The following RABGAP1L variants were observed in gnomAD, a reference collection of about 807,000 sequenced individuals.
RABGAP1L encodes rab GTPase-activating protein 1-like.
In RABGAP1L, 63 loss-of-function variants were observed where a neutral mutation model predicts 137.7. The observed-to-expected ratio is 0.46, with a 90% confidence interval of 0.37 to 0.56. The LOEUF is 0.56. Ranked by LOEUF, RABGAP1L falls within the 20% of genes least tolerant of loss-of-function variation. The pLI, the probability that RABGAP1L is intolerant of heterozygous loss-of-function variation, is 0.00. For missense variants in RABGAP1L, 1,095 were observed against 1,244.0 expected, an observed-to-expected ratio of 0.88 and a Z score of 1.80; for synonymous variants, 431 against 433.7, an observed-to-expected ratio of 0.99 and a Z score of 0.08.
intron 19 of RABGAP1L, among the ~76,000 whole-genome samples, chr1:174,859,445 T>C (rs978648289): frequency 6.9e-6 from 1 of 144,360 alleles, no homozygotes; most frequent in African/African-American, 2.6e-5. Flanking sequence ...ATTGTGCTAC[T>C]GCACTCCAGC....
chr1:174,344,418 C>T (rs1558149123), intron 11 of RABGAP1L, among the ~76,000 whole-genome samples: 3 of 152,154 alleles, frequency 2.0e-5, no homozygotes, highest in Admixed American at 1.3e-4. Context: ...AAGTCTACTT[C>T]TTTAGGGACC....
In RABGAP1L at chr1:174,939,674, G is replaced by A. The variant is rs577766841; in HGVS notation, c.2341-17783G>A. On this transcript the variant is annotated intron_variant, in intron 19 of 25. Transcript: ENST00000681986. ...ATTTTAGAAATTGCCCCACAGAACA[G>A]AGGTAATTATTGGCTCTGTCAAACA... 5.9e-5 allele frequency among the ~76,000 whole-genome samples: 9 copies of A among 152,296 alleles called. No individual in the cohort carries two copies. In the South Asian group the frequency reaches 1.2e-3, roughly 21 times the overall value.
At chr1:174,814,829 C>T (rs1484665024) in intron 19 of RABGAP1L, among the ~76,000 whole-genome samples, 1 of 151,998 alleles carries the variant, frequency 6.6e-6, no homozygotes, top group East Asian at 1.9e-4. Flanking sequence ...GCTGGGACTA[C>T]AGTCATGTGC....
At chr1:174,543,334 T>C (rs985848741) in intron 13 of RABGAP1L, among the ~76,000 whole-genome samples, 2 of 142,866 alleles carry the variant, frequency 1.4e-5, no homozygotes, top group African/African-American at 5.8e-5. Context: ...AATTGATCCC[T>C]TCACCATTAT....
chr1:174,805,751 C>G (rs1689231628), intron 18 of RABGAP1L, among the ~76,000 whole-genome samples: 1 of 152,206 alleles, frequency 6.6e-6, no homozygotes, highest in African/African-American at 2.4e-5. Flanking sequence ...ATTCACTCTC[C>G]TCGGCTTCCC....
chr1:174,783,963 C>G (rs1209957851), intron 18 of RABGAP1L, among the ~76,000 whole-genome samples: 1 of 149,980 alleles, frequency 6.7e-6, no homozygotes, highest in Non-Finnish European at 1.5e-5. Context: ...CCGCCTCGCC[C>G]TCCTAGAGTG....
Position 174,957,459 on chromosome 1 carries a change from A to G in RABGAP1L, c.2343A>G (p.Val781=). ...TGGTTTTCCTCAAATCCCTGCAGGT[A>G]CCAACCAAGAAGCTGAAGAAATATG... ...RLMEQACNIK[V]PTKKLKKYEK... is the part of the protein sequence containing the mutation. Residue 781 remains valine, a splice_region_variant and synonymous_variant, in exon 20 of 26, where the codon GTA becomes GTG. Transcript: ENST00000681986. The G allele has an allele frequency of 6.2e-7, 1 of 1,612,508 alleles. No individual in the cohort carries two copies. The highest frequency in any genetic ancestry group is 8.5e-7 in the Non-Finnish European group (1 of 1,178,572).
chr1:174,432,082 C>T (rs1481312296), intron 13 of RABGAP1L, among the ~76,000 whole-genome samples: 3 of 151,994 alleles, frequency 2.0e-5, no homozygotes, highest in East Asian at 3.9e-4. Context: ...AGCATAGTAC[C>T]CATAGTTTTT....
intron 19 of RABGAP1L, among the ~76,000 whole-genome samples, chr1:174,900,775 C>T (rs917599834): frequency 2.6e-5 from 4 of 152,180 alleles, no homozygotes; most frequent in African/African-American, 4.8e-5. Context: ...CTGCATTGGC[C>T]TCCCAAAGTG....
intron 11 of RABGAP1L, among the ~76,000 whole-genome samples, chr1:174,316,906 C>T (rs1679427959): frequency 2.6e-5 from 4 of 152,130 alleles, no homozygotes; most frequent in Admixed American, 2.6e-4. Flanking sequence ...GGCAGAGGAA[C>T]CTCACCCCAT....
At chr1:174,260,506 T>A (rs1036063308) in intron 7 of RABGAP1L, among the ~76,000 whole-genome samples, 1 of 152,044 alleles carries the variant, frequency 6.6e-6, no homozygotes, top group African/African-American at 2.4e-5. Context: ...GTATATGAAA[T>A]GTGTGAGGAG....
Position 174,241,653 on chromosome 1 carries a change from A to G in RABGAP1L, c.713A>G (p.Glu238Gly), listed in dbSNP as rs373653316. The G allele has an allele frequency of 3.1e-5, 50 of 1,610,454 alleles. No individual in the cohort carries two copies. The highest frequency in any genetic ancestry group is 4.1e-5 in the Non-Finnish European group (48 of 1,177,758). The change falls in exon 5 of 26, where the codon GAG becomes GGG. Residue 238 changes from glutamate (E) to glycine (G), a missense_variant. Physicochemically the swap from Glu to Gly is moderately conservative, Grantham distance 98. Coordinates refer to ENST00000681986, the MANE Select transcript of RABGAP1L (RefSeq NM_001366446.1). ...CATGTTTTCTCCTGTGAAATTAAAG[A>G]GGCAGTAAGTATAATATAGTATAGC... ...QIHVFSCEIK[E>G]AVSRILYSFC...
intron 18 of RABGAP1L, among the ~76,000 whole-genome samples, chr1:174,785,854 A>G (rs1031002968): frequency 6.6e-6 from 1 of 152,192 alleles, no homozygotes; most frequent in African/African-American, 2.4e-5. Flanking sequence ...TAGTTCTTGA[A>G]TTTTGGCTAG....
intron 4 of RABGAP1L, among the ~76,000 whole-genome samples, chr1:174,237,913 A>G (rs1671358518): frequency 6.6e-6 from 1 of 150,574 alleles, no homozygotes; most frequent in Non-Finnish European, 1.5e-5. Flanking sequence ...TACACCAATC[A>G]GACGTAGATT....
chr1:174,788,191 C>T (rs377409966), intron 18 of RABGAP1L, among the ~76,000 whole-genome samples: 3 of 152,126 alleles, frequency 2.0e-5, no homozygotes, highest in Non-Finnish European at 4.4e-5. Flanking sequence ...ATTAGACTTG[C>T]GACGAAAGTA....
rs184231528 is a variant in RABGAP1L at position 174,692,367 on chromosome 1, T to A, written c.1900-7158T>A. ...GGGGTCTCCTCACGTTAAAGAGAAA[T>A]AACAAAGTGCCACTTATGATCAGTT... On this transcript the variant is annotated intron_variant, in intron 15 of 25. Coordinates refer to ENST00000681986, the MANE Select transcript of RABGAP1L (RefSeq NM_001366446.1). Among the ~76,000 whole-genome samples the A allele has an allele frequency of 1.8e-4, 28 of 152,188 alleles. No individual in the cohort carries two copies. In the East Asian group the frequency reaches 5.4e-3, roughly 29 times the overall value.
chr1:174,467,247 A>T (rs1266678388), intron 13 of RABGAP1L, among the ~76,000 whole-genome samples: 3 of 152,126 alleles, frequency 2.0e-5, no homozygotes, highest in Non-Finnish European at 4.4e-5. Context: ...CAATGTTACC[A>T]TCTCTGAAAT....
At chr1:174,933,581 C>T (rs1664228401) in intron 19 of RABGAP1L, among the ~76,000 whole-genome samples, 1 of 152,124 alleles carries the variant, frequency 6.6e-6, no homozygotes, top group Non-Finnish European at 1.5e-5. Context: ...AACATCAGCA[C>T]CCCCTGGGAA....
intron 7 of RABGAP1L, among the ~76,000 whole-genome samples, chr1:174,259,173 T>C (rs140315870): frequency 6.6e-6 from 1 of 152,278 alleles, no homozygotes; most frequent in Non-Finnish European, 1.5e-5. Context: ...TGTTTATATC[T>C]AGATATTTTG....
Sources: gnomAD v4.1 joint callset for allele counts (sites outside exome capture counted in the v4.1 genomes callset) on GRCh38, gnomAD v4.1.1 for gene constraint, MANE v1.5 for transcripts, NCBI Gene and HGNC (gene_info 2026-07-23, HGNC 2026-07-21) for gene names.